The following DNAJC1 variants were observed in gnomAD, a reference collection of about 807,000 sequenced individuals.
The protein encoded by DNAJC1 is dnaJ homolog subfamily C member 1.
A neutral mutation model predicts 76.6 loss-of-function variants in DNAJC1; 58 were observed. That is an observed-to-expected ratio of 0.76 (90% confidence interval 0.61 to 0.94). DNAJC1 has a LOEUF of 0.94. Ranked by LOEUF, DNAJC1 falls within the 40% of genes least tolerant of loss-of-function variation. The probability of loss-of-function intolerance (pLI) is 0.00; values close to 1 mark genes in which losing one functional copy is unlikely to be tolerated. For synonymous variants in DNAJC1, 258 were observed against 267.9 expected, an observed-to-expected ratio of 0.96 and a Z score of 0.36; for missense variants, 689 against 677.3, an observed-to-expected ratio of 1.02 and a Z score of -0.19.
chr10:21,933,868 G>C (rs1837267909), intron 1 of DNAJC1, among the ~76,000 whole-genome samples: 1 of 152,030 alleles, frequency 6.6e-6, no homozygotes. Context: ...CAAACCTGCT[G>C]TGCTGCCAGC....
intron 8 of DNAJC1, among the ~76,000 whole-genome samples, chr10:21,847,022 G>C (rs550544823): frequency 2.0e-5 from 3 of 151,882 alleles, no homozygotes; most frequent in African/African-American, 7.2e-5. Context: ...ACATAATACA[G>C]TTACTAGAAA....
chr10:21,904,716 G>C, intron 6 of DNAJC1, 104 bp from the exon 7 acceptor site: 2 of 587,458 alleles, frequency 3.4e-6, no homozygotes, highest in Non-Finnish European at 5.4e-6. Context: ...TTTATAAGTA[G>C]GCTTTCTTTT....
chr10:21,786,159 T>A (rs1320079293), intron 9 of DNAJC1, among the ~76,000 whole-genome samples: 1 of 151,902 alleles, frequency 6.6e-6, no homozygotes, highest in African/African-American at 2.4e-5. Context: ...GATTTTTAGA[T>A]GTTCACGGAC....
At chr10:21,997,131 A>T (rs1838428988) in intron 1 of DNAJC1, among the ~76,000 whole-genome samples, 1 of 152,186 alleles carries the variant, frequency 6.6e-6, no homozygotes, top group African/African-American at 2.4e-5. Context: ...CCACTGCAAG[A>T]ATCACTGGAC....
In DNAJC1 at chr10:21,763,266, A is replaced by C. The variant is rs1834261157; in HGVS notation, c.1147+2995T>G. Among the ~76,000 whole-genome samples, 2 of 152,194 alleles carry C rather than the reference A, an allele frequency of 1.3e-5. 1 individual carries two copies. Among genetic ancestry groups the C allele is most frequent in the South Asian group, 4.1e-4 (2 of 4,832 alleles). ...TTTCAAACGTCCTTTCTACAGCATA[A>C]ATATCTTTCAAAACACTTTCACATT... On this transcript the variant is annotated intron_variant, in intron 10 of 11. Coordinates refer to ENST00000376980, the MANE Select transcript of DNAJC1 (RefSeq NM_022365.4).
At position 21,841,052 on chromosome 10, in the gene DNAJC1, G is replaced by A. The variant is rs1405419712; in HGVS notation, c.979-34953C>T. Among the ~76,000 whole-genome samples the A allele has an allele frequency of 2.6e-5, 4 of 152,172 alleles. No individual in the cohort carries two copies. In the South Asian group the frequency reaches 6.2e-4, roughly 24 times the overall value. ...TGCTGGGAAAACTGGCTAGCCATATGTAGAAAGCTGAAACTGGATCCCTTC... is the reference window on the plus strand; with the variant it reads ...TGCTGGGAAAACTGGCTAGCCATATATAGAAAGCTGAAACTGGATCCCTTC... On this transcript the variant is annotated intron_variant, in intron 8 of 11. Transcript: ENST00000376980.
intron 8 of DNAJC1, among the ~76,000 whole-genome samples, chr10:21,807,915 ATTATTC>A (rs779139790): frequency 1.2e-3 from 179 of 152,316 alleles, no homozygotes; most frequent in Non-Finnish European, 2.0e-3. Flanking sequence ...GGAAAAAAGA[ATTATTC>A]TTATTCAGCT....
rs527332127 is a variant in DNAJC1, at chr10:21,897,037, T to C, written c.820+7485A>G. 1.2e-4 allele frequency among the ~76,000 whole-genome samples: 19 copies of C among 152,330 alleles called. No homozygotes were observed. In the South Asian group the frequency reaches 3.3e-3, roughly 27 times the overall value. ...CTTTGCCAGACACCAAACGTACTGA[T>C]GCCCTGATCTTGGACTCCCCAGCAT... On this transcript the variant is annotated intron_variant, in intron 7 of 11. Transcript: ENST00000376980.
intron 1 of DNAJC1, among the ~76,000 whole-genome samples, chr10:21,950,529 G>A (rs1483810711): frequency 6.6e-6 from 1 of 151,998 alleles, no homozygotes; most frequent in Non-Finnish European, 1.5e-5. Context: ...TGATCTCTAA[G>A]TACTCAAGTG....
At chr10:21,848,635 T>G (rs1835699406) in intron 8 of DNAJC1, among the ~76,000 whole-genome samples, 1 of 152,178 alleles carries the variant, frequency 6.6e-6, no homozygotes, top group South Asian at 2.1e-4. Flanking sequence ...ACCAAATAGA[T>G]CTAACAGACA....
chr10:21,827,042 A>G (rs1297664926), intron 8 of DNAJC1, among the ~76,000 whole-genome samples: 1 of 151,718 alleles, frequency 6.6e-6, no homozygotes, highest in Non-Finnish European at 1.5e-5. Flanking sequence ...CCTGGGTAGT[A>G]TTGTCATTTT....
intron 9 of DNAJC1, among the ~76,000 whole-genome samples, chr10:21,778,720 T>A (rs1275783385): frequency 1.3e-5 from 2 of 152,180 alleles, no homozygotes; most frequent in African/African-American, 4.8e-5. Flanking sequence ...ACCAGGTTCA[T>A]CTCACTGGGG....
intron 1 of DNAJC1, among the ~76,000 whole-genome samples, chr10:21,987,421 A>T (rs1312922642): frequency 1.3e-5 from 2 of 152,194 alleles, no homozygotes; most frequent in East Asian, 3.9e-4. Flanking sequence ...GTATATACAA[A>T]AGCTTTCAGA....
chr10:21,880,784 G>A (rs1178320367), intron 8 of DNAJC1, among the ~76,000 whole-genome samples: 1 of 152,092 alleles, frequency 6.6e-6, no homozygotes, highest in Admixed American at 6.5e-5. Flanking sequence ...AATGAGCACT[G>A]GCTTCAACTT....
At chr10:21,965,536 T>C (rs1214644223) in intron 1 of DNAJC1, among the ~76,000 whole-genome samples, 1 of 152,204 alleles carries the variant, frequency 6.6e-6, no homozygotes, top group Non-Finnish European at 1.5e-5. Context: ...AGCCTCTAGA[T>C]GTTTACATTT....
chr10:21,969,691 T>C (rs1183389437), intron 1 of DNAJC1, among the ~76,000 whole-genome samples: 2 of 152,228 alleles, frequency 1.3e-5, no homozygotes, highest in Non-Finnish European at 2.9e-5. Flanking sequence ...ATTGGCAGTA[T>C]GTTTTCTTTT....
intron 6 of DNAJC1, among the ~76,000 whole-genome samples, chr10:21,912,666 A>G (rs1836883066): frequency 6.6e-6 from 1 of 152,166 alleles, no homozygotes. Flanking sequence ...ATTAAAAGCA[A>G]GCTGCCTCAT....
rs888641480 is a variant in DNAJC1 at position 22,003,543 on chromosome 10, G to C, written c.-109C>G. On this transcript the variant is annotated 5_prime_UTR_variant, in exon 1 of 12. Transcript: ENST00000376980. The stretch of plus-strand genomic sequence containing the variant: ...ACAGCGCCTGTCAGTGAAAAGCGCG[G>C]GCAGGCGCACCGGAGCGGCCCGCCA... 4.9e-6 allele frequency: 6 copies of C among 1,235,728 alleles called. No individual in the cohort carries two copies. The African/African-American group carries it at 9.5e-5, about 19-fold the overall frequency. 76.5% of individuals were successfully genotyped at this position (1,235,728 alleles called of 1,614,324 possible). A position where few individuals can be genotyped will look rare whatever the true frequency, so the allele number is the denominator to read the frequency against.
intron 1 of DNAJC1, among the ~76,000 whole-genome samples, chr10:21,948,499 T>C (rs776493068): frequency 6.6e-6 from 1 of 152,192 alleles, no homozygotes; most frequent in Non-Finnish European, 1.5e-5. Flanking sequence ...CTGTAGTATA[T>C]AGCACAGGCT....
Sources: gnomAD v4.1 joint callset for allele counts (sites outside exome capture counted in the v4.1 genomes callset) on GRCh38, gnomAD v4.1.1 for gene constraint, MANE v1.5 for transcripts, NCBI Gene and HGNC (gene_info 2026-07-23, HGNC 2026-07-21) for gene names.